Variants in DNAJC3 observed in about 807,000 individuals in gnomAD.
DNAJC3 encodes the protein dnaJ homolog subfamily C member 3.
DNAJC3 carries 38 observed loss-of-function variants against 68.6 expected under a neutral mutation model. The observed-to-expected ratio is 0.55, with a 90% CI of 0.43 to 0.73. The LOEUF (loss-of-function observed/expected upper bound fraction) is 0.73. Ranked by LOEUF, DNAJC3 falls within the 30% of genes least tolerant of loss-of-function variation. The pLI is 0.00. For missense variants in DNAJC3, 526 were observed against 591.9 expected (o/e 0.89, Z 1.16); for synonymous variants, 203 against 204.0 (o/e 1.00, Z 0.04).
intron 9 of DNAJC3, among the ~76,000 whole-genome samples, chr13:95,773,074 A>G (rs907751769): frequency 6.7e-6 from 1 of 149,190 alleles, no homozygotes. Flanking sequence ...AGAATTCACC[A>G]GTAAAACCAT....
At chr13:95,786,872 C>T (rs1391710181) in intron 10 of DNAJC3, 135 bp from the exon 11 acceptor site, 12 of 1,025,764 alleles carry the variant, frequency 1.2e-5, no homozygotes, top group Non-Finnish European at 1.7e-5. Context: ...GATCTTTGGC[C>T]TGTGATACCA....
intron 9 of DNAJC3, among the ~76,000 whole-genome samples, chr13:95,768,993 C>CTA (rs959079032): frequency 1.2e-4 from 11 of 88,994 alleles, no homozygotes; most frequent in African/African-American, 1.0e-3. Context: ...TTATCTATAT[C>CTA]TATATCTATA....
At chr13:95,692,636 T>G (rs1381245625) in intron 1 of DNAJC3, 1 of 152,136 alleles carries the variant, frequency 6.6e-6, no homozygotes, top group African/African-American at 2.4e-5. Context: ...TAGAAAATAG[T>G]GTATTAATCC....
intron 9 of DNAJC3, among the ~76,000 whole-genome samples, chr13:95,785,282 T>C (rs1215881974): frequency 6.6e-6 from 1 of 152,110 alleles, no homozygotes; most frequent in Non-Finnish European, 1.5e-5. Context: ...AACAACCACT[T>C]AGTCTTAATG....
Position 95,790,998 on chromosome 13 carries a change from G to A in DNAJC3, c.1483G>A (p.Gly495Arg), listed in dbSNP as rs144153992. The change falls in exon 12 of 12, where the codon GGA becomes AGA. Residue 495 changes from glycine (G) to arginine (R), a missense_variant. Transcript: ENST00000602402. ...WQGFNPFSSG[G>R]PFRFKFHFN is the part of the protein sequence containing the mutation. Reference sequence around the variant, plus strand: ...AGGGTTCAATCCCTTCAGCTCAGGCGGACCATTTAGATTTAAATTCCACTT... The same window carrying A: ...AGGGTTCAATCCCTTCAGCTCAGGCAGACCATTTAGATTTAAATTCCACTT... The A allele has an allele frequency of 8.7e-6, 14 of 1,613,540 alleles. No individual in the cohort carries two copies. The highest frequency in any genetic ancestry group is 8.0e-5 in the African/African-American group (6 of 74,922).
chr13:95,763,370 A>C (rs1051506395), intron 7 of DNAJC3, among the ~76,000 whole-genome samples: 1 of 152,152 alleles, frequency 6.6e-6, no homozygotes, highest in African/African-American at 2.4e-5. Flanking sequence ...TCTGTAAGGA[A>C]ATTCTTCTGG....
chr13:95,730,421 C>A (rs1464160385), intron 4 of DNAJC3, among the ~76,000 whole-genome samples: 1 of 152,138 alleles, frequency 6.6e-6, no homozygotes, highest in Non-Finnish European at 1.5e-5. Flanking sequence ...ATGTTTTCTT[C>A]TAGTAGCTTT....
Position 95,757,717 on chromosome 13 carries a change from G to A in DNAJC3, c.467G>A (p.Arg156His), listed in dbSNP as rs533997604. 1.1e-5 allele frequency: 18 copies of A among 1,585,854 alleles called. No homozygotes were observed. The highest frequency in any genetic ancestry group is 4.5e-5 in the South Asian group (4 of 88,938). Residue 156 changes from arginine (R) to histidine (H), a missense_variant, in exon 5 of 12, where the codon CGT becomes CAT. By Grantham distance (29) the Arg-to-His change is conservative. Coordinates refer to ENST00000602402, the MANE Select transcript of DNAJC3 (RefSeq NM_006260.5). Reference protein sequence around the residue: ...SQLIKSDEMQRLRSQALNAFG... With the variant: ...SQLIKSDEMQHLRSQALNAFG... ...CTTATAAAATCTGATGAAATGCAGC[G>A]TTTGCGTTCACAAGCACTTAACGCT...
rs1566461517 is a variant in DNAJC3 at position 95,677,301 on chromosome 13, C to G, written c.46C>G (p.Pro16Ala). 2.5e-6 allele frequency: 4 copies of G among 1,600,696 alleles called. No homozygotes were observed. Among genetic ancestry groups the G allele is most frequent in the Non-Finnish European group, 3.4e-6 (4 of 1,174,870 alleles). The stretch of plus-strand genomic sequence containing the variant: ...GACCAGCCGGCTGGGCTCGGTATTC[C>G]CCTTCCTGCTAGTCCTGGTGGATCT... ...SVTSRLGSVF[P>A]FLLVLVDLQY... Residue 16 changes from proline (P) to alanine (A), a missense_variant, in exon 1 of 12, where the codon CCC becomes GCC. By Grantham distance (27) the Pro-to-Ala change is conservative. Transcript: ENST00000602402.
chr13:95,770,962 A>G (rs999104388), intron 9 of DNAJC3, among the ~76,000 whole-genome samples: 24 of 152,200 alleles, frequency 1.6e-4, no homozygotes, highest in African/African-American at 5.8e-4. Flanking sequence ...TTATTATGAG[A>G]AATTTCAAAT....
At chr13:95,725,012 A>G (rs984100765) in intron 3 of DNAJC3, among the ~76,000 whole-genome samples, 166 bp from the exon 4 acceptor site, 2 of 152,224 alleles carry the variant, frequency 1.3e-5, no homozygotes, top group African/African-American at 4.8e-5. Context: ...AAGAAAAATT[A>G]TACACATTCA....
chr13:95,723,488 G>A, intron 3 of DNAJC3, 122 bp downstream of exon 3: 2 of 1,070,634 alleles, frequency 1.9e-6, no homozygotes, highest in Non-Finnish European at 1.3e-6. Context: ...CTACAGTGAT[G>A]TTGTGGACTG....
intron 4 of DNAJC3, among the ~76,000 whole-genome samples, chr13:95,757,296 CAAGTT>C (rs140696031): frequency 0.015 from 2,276 of 152,164 alleles, 59 homozygotes; most frequent in African/African-American, 0.052. Context: ...AAATAAAACT[CAAGTT>C]AATTTATTCT....
intron 9 of DNAJC3, among the ~76,000 whole-genome samples, chr13:95,764,960 G>A (rs934590524): frequency 5.3e-5 from 8 of 151,738 alleles, no homozygotes; most frequent in Non-Finnish European, 8.8e-5. Flanking sequence ...GTAAAATTTG[G>A]TTTGTGATAC....
At chr13:95,787,429 C>T (rs532542308) in intron 11 of DNAJC3, among the ~76,000 whole-genome samples, 1 of 152,272 alleles carries the variant, frequency 6.6e-6, no homozygotes, top group South Asian at 2.1e-4. Flanking sequence ...ACTTTTTGGT[C>T]TCAGTTTTTT....
intron 1 of DNAJC3, among the ~76,000 whole-genome samples, chr13:95,692,215 T>G (rs756570965): frequency 9.9e-5 from 15 of 152,224 alleles, no homozygotes; most frequent in Non-Finnish European, 1.6e-4. Context: ...TTTAAGAATG[T>G]TCCACACACA....
At chr13:95,735,889 C>A (rs1364496179) in intron 4 of DNAJC3, among the ~76,000 whole-genome samples, 1 of 152,206 alleles carries the variant, frequency 6.6e-6, no homozygotes, top group Admixed American at 6.5e-5. Flanking sequence ...GACATGAAGT[C>A]TTTGCCCATG....
intron 4 of DNAJC3, among the ~76,000 whole-genome samples, chr13:95,725,596 G>T (rs1338168675): frequency 6.6e-6 from 1 of 151,956 alleles, no homozygotes. Context: ...TCCTTATTAG[G>T]CTTTGGATCT....
chr13:95,772,250 G>A (rs1883178920), intron 9 of DNAJC3, among the ~76,000 whole-genome samples: 1 of 152,064 alleles, frequency 6.6e-6, no homozygotes, highest in African/African-American at 2.4e-5. Flanking sequence ...CTTGATGAAG[G>A]ATATTTCATT....
Sources: gnomAD v4.1 joint callset for allele counts (sites outside exome capture counted in the v4.1 genomes callset) on GRCh38, gnomAD v4.1.1 for gene constraint, MANE v1.5 for transcripts, NCBI Gene and HGNC (gene_info 2026-07-23, HGNC 2026-07-21) for gene names.